Variants in ZBTB20 observed in about 807,000 individuals in gnomAD.
ZBTB20 encodes the protein zinc finger and BTB domain-containing protein 20.
A neutral mutation model predicts 56.9 loss-of-function variants in ZBTB20; 9 were observed. That is an observed-to-expected ratio of 0.16 (90% CI 0.10 to 0.28). The LOEUF (loss-of-function observed/expected upper bound fraction) is 0.28, where lower values mean the gene tolerates loss of function less well. Among genes scored for constraint, ZBTB20 ranks in the 10% least tolerant of loss-of-function variants. ZBTB20 has a pLI of 1.00. For missense variants in ZBTB20, 655 were observed against 1,003.0 expected (o/e 0.65, Z 4.69); for synonymous variants, 417 against 420.7 (o/e 0.99, Z 0.11).
chr3:114,772,098 C>T (rs561614704), intron 5 of ZBTB20, among the ~76,000 whole-genome samples: 59 of 152,186 alleles, frequency 3.9e-4, no homozygotes, highest in Admixed American at 7.9e-4. Flanking sequence ...TCCCCACTTT[C>T]GGAGGCTGAG....
chr3:114,844,875 T>TC (rs1411434741), intron 4 of ZBTB20, among the ~76,000 whole-genome samples: 1 of 150,650 alleles, frequency 6.6e-6, no homozygotes, highest in Non-Finnish European at 1.5e-5. Flanking sequence ...TTTTTTTTTT[T>TC]TGGTGAAGTG....
intron 6 of ZBTB20, among the ~76,000 whole-genome samples, chr3:114,607,549 C>T (rs993596313): frequency 1.3e-4 from 19 of 151,990 alleles, no homozygotes; most frequent in Non-Finnish European, 2.4e-4. Context: ...GTGATCCACC[C>T]GCCTCGGCCT....
At chr3:114,498,685 C>T (rs111762503) in intron 7 of ZBTB20, among the ~76,000 whole-genome samples, 2 of 152,162 alleles carry the variant, frequency 1.3e-5, no homozygotes, top group African/African-American at 4.8e-5. Context: ...TAGGTCACTC[C>T]CCCAGCCTTA....
intron 6 of ZBTB20, among the ~76,000 whole-genome samples, chr3:114,644,628 G>C (rs563746353): frequency 6.6e-6 from 1 of 152,088 alleles, no homozygotes; most frequent in African/African-American, 2.4e-5. Flanking sequence ...GTGGAGGAGA[G>C]GGAATGCTTA....
intron 6 of ZBTB20, among the ~76,000 whole-genome samples, chr3:114,675,090 T>TAC (rs1332708311): frequency 6.7e-6 from 1 of 148,414 alleles, no homozygotes; most frequent in Non-Finnish European, 1.5e-5. Flanking sequence ...ATTATATATA[T>TAC]ACACAATATT....
At chr3:114,867,194 G>A (rs756588626) in intron 4 of ZBTB20, among the ~76,000 whole-genome samples, 7 of 152,038 alleles carry the variant, frequency 4.6e-5, no homozygotes, top group Non-Finnish European at 7.4e-5. Flanking sequence ...TTTAAAACAC[G>A]ATCTGCAGCT....
At chr3:114,508,370 A>G (rs963412530) in intron 6 of ZBTB20, among the ~76,000 whole-genome samples, 6 of 152,180 alleles carry the variant, frequency 3.9e-5, no homozygotes, top group Non-Finnish European at 5.9e-5. Flanking sequence ...AACAGCTCCA[A>G]TGACCTTGTC....
intron 4 of ZBTB20, among the ~76,000 whole-genome samples, chr3:114,810,085 G>A (rs984885119): frequency 1.4e-5 from 2 of 140,802 alleles, no homozygotes; most frequent in African/African-American, 6.5e-5. Context: ...TGATATATAC[G>A]TGTGTGTGGG....
intron 4 of ZBTB20, among the ~76,000 whole-genome samples, chr3:114,803,521 C>T (rs188892484): frequency 7.9e-5 from 12 of 151,868 alleles, no homozygotes; most frequent in Admixed American, 1.3e-4. Flanking sequence ...TCACTGTTGG[C>T]GACTACATAT....
chr3:114,762,719 C>T (rs1322550692), intron 5 of ZBTB20, among the ~76,000 whole-genome samples: 1 of 152,128 alleles, frequency 6.6e-6, no homozygotes, highest in Non-Finnish European at 1.5e-5. Flanking sequence ...TCCTGGGAAG[C>T]CAGGGCGTTC....
intron 6 of ZBTB20, among the ~76,000 whole-genome samples, chr3:114,625,225 A>T (rs1318736505): frequency 6.6e-6 from 1 of 152,140 alleles, no homozygotes; most frequent in Non-Finnish European, 1.5e-5. Context: ...AGAAGCATCA[A>T]GAGAAAAAAA....
intron 6 of ZBTB20, among the ~76,000 whole-genome samples, chr3:114,576,370 C>A (rs1175420242): frequency 6.6e-6 from 1 of 151,006 alleles, no homozygotes; most frequent in Non-Finnish European, 1.5e-5. Flanking sequence ...GGCGTGGTGG[C>A]GGGCGCCTGT....
chr3:114,448,334 T>C (rs1349436766), intron 7 of ZBTB20, among the ~76,000 whole-genome samples: 1 of 152,170 alleles, frequency 6.6e-6, no homozygotes, highest in Non-Finnish European at 1.5e-5. Flanking sequence ...CTTGGCATTT[T>C]CCTACATATG....
chr3:115,011,053 G>A (rs1283989027), intron 2 of ZBTB20, among the ~76,000 whole-genome samples: 10 of 151,836 alleles, frequency 6.6e-5, no homozygotes, highest in East Asian at 3.9e-4. Flanking sequence ...TGGATCAAGC[G>A]GAAGAAAGAA....
chr3:114,703,415 T>G (rs2063514808), intron 5 of ZBTB20, among the ~76,000 whole-genome samples: 1 of 152,142 alleles, frequency 6.6e-6, no homozygotes, highest in African/African-American at 2.4e-5. Context: ...AATTTTAGCT[T>G]CTTTGAATGT....
chr3:115,068,675 C>T (rs1028401344), intron 2 of ZBTB20, among the ~76,000 whole-genome samples: 1 of 151,970 alleles, frequency 6.6e-6, no homozygotes, highest in Non-Finnish European at 1.5e-5. Context: ...ACCTAATTTC[C>T]ATTATAGGCC....
chr3:114,421,128 T>C (rs2089130608), intron 7 of ZBTB20, among the ~76,000 whole-genome samples: 1 of 152,266 alleles, frequency 6.6e-6, no homozygotes, highest in Non-Finnish European at 1.5e-5. Context: ...CTATCTTTTG[T>C]TTCTTAGACC....
At chr3:114,712,373 G>A (rs922917577) in intron 5 of ZBTB20, among the ~76,000 whole-genome samples, 12 of 152,030 alleles carry the variant, frequency 7.9e-5, no homozygotes, top group African/African-American at 1.9e-4. Flanking sequence ...AGTTCAGGCC[G>A]GGCGCGGTGG....
At chr3:114,906,717 A>G (rs2075332323) in intron 3 of ZBTB20, among the ~76,000 whole-genome samples, 1 of 151,678 alleles carries the variant, frequency 6.6e-6, no homozygotes, top group Non-Finnish European at 1.5e-5. Flanking sequence ...AGCGTCTGCA[A>G]CAAGATTGAG....
Sources: allele counts gnomAD v4.1 joint callset (sites outside exome capture counted in the v4.1 genomes callset), GRCh38; gene constraint gnomAD v4.1.1; transcripts MANE v1.5; gene names NCBI Gene and HGNC (gene_info 2026-07-23, HGNC 2026-07-21).